The following SLC16A6 variants were observed in gnomAD, a reference collection of about 807,000 sequenced individuals.
The protein encoded by SLC16A6 is solute carrier family 16 member 6.
Under a neutral mutation model 33.8 loss-of-function variants are expected in SLC16A6, and 15 were observed. That is an observed-to-expected ratio of 0.44 (90% CI 0.30 to 0.68). The LOEUF (loss-of-function observed/expected upper bound fraction) is 0.68, where lower values mean the gene tolerates loss of function less well. Among genes scored for constraint, SLC16A6 ranks in the 30% least tolerant of loss-of-function variants. The probability of loss-of-function intolerance (pLI) is 0.10; values close to 1 mark genes in which losing one functional copy is unlikely to be tolerated. For synonymous variants in SLC16A6, 219 were observed against 248.4 expected, an observed-to-expected ratio of 0.88 and a Z score of 1.11; for missense variants, 451 against 661.5, an observed-to-expected ratio of 0.68 and a Z score of 3.49.
rs1472293532 is a variant in SLC16A6 at position 68,275,886 on chromosome 17, G to A, written c.233-1816C>T. 2.0e-5 allele frequency among the ~76,000 whole-genome samples: 3 copies of A among 151,754 alleles called. No individual in the cohort carries two copies. The East Asian group carries it at 5.9e-4, about 30-fold the overall frequency. The stretch of plus-strand genomic sequence containing the variant: ...TAATCCCAGCTACTCGGGAGGCTAA[G>A]GCAGGAGAATCACTTGAACCTGGGA... On this transcript the variant is annotated intron_variant, in intron 2 of 5. Coordinates refer to ENST00000580666, the MANE Select transcript of SLC16A6 (RefSeq NM_004694.5).
upstream of SLC16A6, chr17:68,291,188 AC>A (rs1555755763): frequency 6.6e-6 from 1 of 151,056 alleles, no homozygotes; most frequent in South Asian, 2.1e-4. Flanking sequence ...AAAAGGATTA[AC>A]CCCTTAGGGG....
intron 1 of SLC16A6, among the ~76,000 whole-genome samples, chr17:68,285,387 C>T (rs1032799437): frequency 3.9e-5 from 6 of 152,138 alleles, no homozygotes; most frequent in Non-Finnish European, 5.9e-5. Context: ...CTCCTGGGCT[C>T]GTGCAGGGCA....
chr17:68,285,795 A>G (rs1374519817), intron 1 of SLC16A6, among the ~76,000 whole-genome samples: 2 of 150,380 alleles, frequency 1.3e-5, no homozygotes, highest in African/African-American at 4.9e-5. Flanking sequence ...ATGTTTTGAG[A>G]TGGAGTCCAG....
chr17:68,282,276 C>T (rs1225259385), intron 1 of SLC16A6, among the ~76,000 whole-genome samples: 1 of 151,994 alleles, frequency 6.6e-6, no homozygotes, highest in African/African-American at 2.4e-5. Context: ...ACCACACGTT[C>T]TCACTCATAG....
At chr17:68,278,474 G>T (rs1327689050) in intron 1 of SLC16A6, 147 bp from the exon 2 acceptor site, 2 of 605,536 alleles carry the variant, frequency 3.3e-6, no homozygotes, top group Admixed American at 3.0e-5. Flanking sequence ...TATTGAGATG[G>T]AGTCTTGCTC....
chr17:68,289,162 A>T (rs1264500723), intron 1 of SLC16A6, among the ~76,000 whole-genome samples: 1 of 152,178 alleles, frequency 6.6e-6, no homozygotes, highest in Non-Finnish European at 1.5e-5. Context: ...CCCGGGCAAC[A>T]TAGTGAGGCT....
At chr17:68,274,217 G>A in intron 2 of SLC16A6, 147 bp from the exon 3 acceptor site, 3 of 779,912 alleles carry the variant, frequency 3.8e-6, no homozygotes, top group Non-Finnish European at 5.9e-6. Flanking sequence ...TGTAATCCCA[G>A]CACTTTGGGA....
chr17:68,286,828 A>C lies in SLC16A6; in HGVS notation c.-8+4258T>G, dbSNP rs75048926. Reference sequence around the variant, plus strand: ...TTTGAATTTAGTACTGAATTCTATTAATCAACTGATGGCTTAAGCGAAGCC... The same window carrying C: ...TTTGAATTTAGTACTGAATTCTATTCATCAACTGATGGCTTAAGCGAAGCC... On this transcript the variant is annotated intron_variant, in intron 1 of 5. Transcript: ENST00000580666. Among the ~76,000 whole-genome samples the C allele has an allele frequency of 7.7e-3, 1,166 of 152,224 alleles. 13 individuals carry two copies. The highest frequency in any genetic ancestry group is 0.027 in the African/African-American group (1,128 of 41,522).
chr17:68,290,847 G>A (rs2075961528), intron 1 of SLC16A6, among the ~76,000 whole-genome samples: 14 of 152,130 alleles, frequency 9.2e-5, no homozygotes, highest in Admixed American at 9.2e-4. Flanking sequence ...ACTGTACCAG[G>A]GTCACGGACA....
At position 68,271,332 on chromosome 17, in the gene SLC16A6, T is replaced by C. The variant is rs1555748611; in HGVS notation, c.828A>G (p.Pro276=). 1 of 1,614,252 alleles carries C rather than the reference T, an allele frequency of 6.2e-7. No individual in the cohort carries two copies. Among genetic ancestry groups the C allele is most frequent in the East Asian group, 2.2e-5 (1 of 44,888 alleles). ...CTAATAGCGGGGCTTTCTTTTCGCT[T>C]GGCCTGGGGCTGGTCTTCACCAGGA... ...QQVLVKTSPR[P]SEKKAPLLDF... The change falls in exon 5 of 6, where the codon CCA becomes CCG. Residue 276 remains proline, a synonymous_variant. Coordinates refer to ENST00000580666, the MANE Select transcript of SLC16A6 (RefSeq NM_004694.5). This position sits in a 1 kb window ranked among gnomAD's most constrained non-coding sequence, Gnocchi z 5.3.
At position 68,271,617 on chromosome 17, in the gene SLC16A6, G is replaced by A; in HGVS notation, c.543C>T (p.Tyr181=). ...MALKERIGWR[Y]SLLFVGLLQL... ...GTAGTAGGCCCACGAAGAGGAGGCTGTATCTCCAGCCAATGCGCTCCTTCA... is the reference window on the plus strand; with the variant it reads ...GTAGTAGGCCCACGAAGAGGAGGCTATATCTCCAGCCAATGCGCTCCTTCA... Residue 181 remains tyrosine, a synonymous_variant, in exon 5 of 6, where the codon TAC becomes TAT. Transcript: ENST00000580666. This position sits in a 1 kb window ranked among gnomAD's most constrained non-coding sequence, Gnocchi z 5.3. 6.2e-7 allele frequency: 1 copy of A among 1,613,834 alleles called. No individual in the cohort carries two copies. Among genetic ancestry groups the A allele is most frequent in the Non-Finnish European group, 8.5e-7 (1 of 1,179,678 alleles).
At chr17:68,284,708 T>C (rs1373696462) in intron 1 of SLC16A6, among the ~76,000 whole-genome samples, 1 of 152,232 alleles carries the variant, frequency 6.6e-6, no homozygotes, top group Non-Finnish European at 1.5e-5. Context: ...TTCATCCTAC[T>C]GATAGCGCCA....
intron 3 of SLC16A6, 184 bp downstream of exon 3, chr17:68,273,743 A>G: frequency 1.7e-6 from 1 of 586,244 alleles, no homozygotes; most frequent in Non-Finnish European, 2.8e-6. Flanking sequence ...GCACTTGAGA[A>G]CAGATTCCCA....
chr17:68,271,005 T>C lies in SLC16A6; in HGVS notation c.1155A>G (p.Leu385=), dbSNP rs782545186. Residue 385 remains leucine, a synonymous_variant, in exon 5 of 6, where the codon CTA becomes CTG. Transcript: ENST00000580666. This position sits in a 1 kb window ranked among gnomAD's most constrained non-coding sequence, Gnocchi z 5.3. ...AFTFATEFWG[L]MSCSIFFGFM... ...ACCCAAAAAATATGCTGCATGACATTAGACCCCAGAATTCAGTAGCAAAAG... is the reference window on the plus strand; with the variant it reads ...ACCCAAAAAATATGCTGCATGACATCAGACCCCAGAATTCAGTAGCAAAAG... 2 of 1,614,126 alleles carry C rather than the reference T, an allele frequency of 1.2e-6. No homozygotes were observed. The highest frequency in any genetic ancestry group is 1.7e-6 in the Non-Finnish European group (2 of 1,180,026).
chr17:68,291,128 A>T (rs1366834389), upstream of SLC16A6: 2 of 152,164 alleles, frequency 1.3e-5, no homozygotes, highest in Non-Finnish European at 2.9e-5. Flanking sequence ...GGCTCCCAAT[A>T]AGGCGGAGGC....
chr17:68,283,878 C>CAA (rs58291216), intron 1 of SLC16A6, among the ~76,000 whole-genome samples: 4,643 of 55,364 alleles, frequency 0.084, 476 homozygotes, highest in African/African-American at 0.26. Flanking sequence ...AACTCCGTCT[C>CAA]AAAAAAAAAA....
chr17:68,268,932 A>AAAAC lies in SLC16A6; in HGVS notation c.*160_*163dup. On this transcript the variant is annotated 3_prime_UTR_variant, in exon 6 of 6. Transcript: ENST00000580666. ...AAAAAAGCTTAAAACAAAACAAAACAAAACAAAAGCGATGTTGGTAGTGCT... is the reference window on the plus strand; with the variant it reads ...AAAAAAGCTTAAAACAAAACAAAACAAAACAAACAAAAGCGATGTTGGTAGTGCT... 1 of 1,472,852 alleles carries AAAAC rather than the reference A, an allele frequency of 6.8e-7. No individual in the cohort carries two copies. Among genetic ancestry groups the AAAAC allele is most frequent in the Non-Finnish European group, 9.1e-7 (1 of 1,100,310 alleles). The allele number at this position is 1,472,852 out of a possible 1,614,324, so 91.2% of individuals were successfully genotyped here.
Position 68,274,032 on chromosome 17 carries a change from G to A in SLC16A6, c.271C>T (p.Arg91Cys), listed in dbSNP as rs200490965. 1.8e-5 allele frequency: 29 copies of A among 1,613,950 alleles called. No individual in the cohort carries two copies. In the Middle Eastern group the frequency reaches 4.9e-4, roughly 27 times the overall value. Reference sequence around the variant, plus strand: ...AGCCCCCCCAACATCACTACCAGACGGTGTCCGAAACGATTGCTCAGGACT... The same window carrying A: ...AGCCCCCCCAACATCACTACCAGACAGTGTCCGAAACGATTGCTCAGGACT... ...ATVLSNRFGH[R>C]LVVMLGGLLV... The change falls in exon 3 of 6, where the codon CGT becomes TGT. Residue 91 changes from arginine (R) to cysteine (C), a missense_variant. Arg to Cys is a radical substitution (Grantham distance 180). This residue lies in a region of SLC16A6 where 405 missense variants were observed against 510.7 expected (regional missense o/e 0.79). Coordinates refer to ENST00000580666, the MANE Select transcript of SLC16A6 (RefSeq NM_004694.5).
At chr17:68,290,768 C>T (rs116790626) in intron 1 of SLC16A6, among the ~76,000 whole-genome samples, 1,673 of 152,282 alleles carry the variant, frequency 0.011, 27 homozygotes, top group African/African-American at 0.039. Context: ...TCCGACGTCC[C>T]GGAGCCCCCA....
Sources: allele counts gnomAD v4.1 joint callset (sites outside exome capture counted in the v4.1 genomes callset), GRCh38; gene constraint gnomAD v4.1.1; regional missense constraint gnomAD v4.1.1; non-coding constraint Gnocchi (gnomAD v3.1); transcripts MANE v1.5; gene names NCBI Gene and HGNC (gene_info 2026-07-23, HGNC 2026-07-21).